Variants in TASP1 observed in about 807,000 individuals in gnomAD.
TASP1 encodes threonine aspartase 1.
A neutral mutation model predicts 56.6 loss-of-function variants in TASP1; 16 were observed. The ratio of observed to expected loss-of-function variants is 0.28; its 90% CI spans 0.19 to 0.43. TASP1 has a LOEUF of 0.43. Ranked by LOEUF, TASP1 falls within the 20% of genes least tolerant of loss-of-function variation. The probability of loss-of-function intolerance (pLI) is 1.00; values close to 1 mark genes in which losing one functional copy is unlikely to be tolerated. For synonymous variants in TASP1, 179 were observed against 184.2 expected, an observed-to-expected ratio of 0.97 and a Z score of 0.23; for missense variants, 393 against 511.6, an observed-to-expected ratio of 0.77 and a Z score of 2.24.
chr20:13,632,229 G>A (rs1183517929), intron 1 of TASP1, among the ~76,000 whole-genome samples: 4 of 151,306 alleles, frequency 2.6e-5, no homozygotes, highest in East Asian at 1.9e-4. Flanking sequence ...GCATGGTGGC[G>A]CGTTCCTGTA....
At chr20:13,420,631 A>G (rs966818905) in intron 12 of TASP1, among the ~76,000 whole-genome samples, 6 of 152,356 alleles carry the variant, frequency 3.9e-5, no homozygotes, top group African/African-American at 1.4e-4. Context: ...AATGCAAGTT[A>G]ATTTAACAAA....
chr20:13,332,764 A>C, the TASP1 span, among the ~76,000 whole-genome samples: 2 of 152,222 alleles, frequency 1.3e-5, no homozygotes, highest in Non-Finnish European at 2.9e-5. Context: ...AACATAGGCT[A>C]TGATAAGGTT....
At chr20:13,330,757 G>T in the TASP1 span, among the ~76,000 whole-genome samples, 1 of 152,164 alleles carries the variant, frequency 6.6e-6, no homozygotes, top group East Asian at 1.9e-4. Flanking sequence ...TGGCTTTTGA[G>T]AAATTGCTTT....
the TASP1 span, among the ~76,000 whole-genome samples, chr20:13,353,490 G>A: frequency 9.9e-5 from 15 of 152,056 alleles, no homozygotes; most frequent in African/African-American, 2.7e-4. Context: ...CACACATTAA[G>A]TAAATAAATG....
the TASP1 span, among the ~76,000 whole-genome samples, chr20:13,130,963 C>G: frequency 5.3e-5 from 8 of 152,154 alleles, no homozygotes; most frequent in Non-Finnish European, 8.8e-5. Flanking sequence ...TCTCATAGGA[C>G]TGGGAGCTGG....
At chr20:13,546,218 T>TA (rs1190287802) in intron 8 of TASP1, among the ~76,000 whole-genome samples, 2 of 151,902 alleles carry the variant, frequency 1.3e-5, no homozygotes, top group African/African-American at 4.8e-5. Flanking sequence ...AAAGAAAAAT[T>TA]AAAGACTGCA....
At chr20:13,433,487 A>G (rs1313303439) in intron 12 of TASP1, among the ~76,000 whole-genome samples, 2 of 148,746 alleles carry the variant, frequency 1.3e-5, no homozygotes, top group African/African-American at 5.0e-5. Context: ...GAACCTAGGT[A>G]CTATGTGCAG....
At chr20:13,555,367 G>C (rs900260597) in intron 8 of TASP1, among the ~76,000 whole-genome samples, 14 of 98,448 alleles carry the variant, frequency 1.4e-4, no homozygotes, top group African/African-American at 5.5e-4. Context: ...CTGAGCAACA[G>C]ATCAAGACTC....
At chr20:13,405,671 C>T (rs1470125754) in intron 13 of TASP1, among the ~76,000 whole-genome samples, 4 of 151,790 alleles carry the variant, frequency 2.6e-5, no homozygotes, top group South Asian at 2.1e-4. Flanking sequence ...CTCAGCCTCC[C>T]GAGCAGCTGG....
the TASP1 span, among the ~76,000 whole-genome samples, chr20:13,197,362 C>A: frequency 6.6e-6 from 1 of 152,192 alleles, no homozygotes; most frequent in Non-Finnish European, 1.5e-5. Flanking sequence ...CTCTAGCTGA[C>A]CTTCTGCTTA....
At chr20:13,346,606 A>G in the TASP1 span, among the ~76,000 whole-genome samples, 40 of 152,324 alleles carry the variant, frequency 2.6e-4, no homozygotes, top group African/African-American at 8.9e-4. Flanking sequence ...GCATCCAGCG[A>G]TGGAAGGGGA....
the TASP1 span, among the ~76,000 whole-genome samples, chr20:13,273,868 G>A: frequency 1.3e-5 from 2 of 152,182 alleles, no homozygotes; most frequent in African/African-American, 4.8e-5. Flanking sequence ...AATACAGAGG[G>A]GTGGAGGGTG....
chr20:13,292,424 G>A, the TASP1 span: 1 of 1,606,330 alleles, frequency 6.2e-7, no homozygotes, highest in Non-Finnish European at 8.5e-7. Context: ...TCTGCTTGCG[G>A]GAAGCGAGGA....
At chr20:13,315,591 G>A in the TASP1 span, among the ~76,000 whole-genome samples, 1 of 151,954 alleles carries the variant, frequency 6.6e-6, no homozygotes, top group African/African-American at 2.4e-5. Context: ...CATAGTTACA[G>A]ATTTCAATAC....
chr20:13,270,478 G>T, the TASP1 span: 678 of 1,594,952 alleles, frequency 4.3e-4, 4 homozygotes, highest in African/African-American at 8.4e-3. Flanking sequence ...CTCCTTAACA[G>T]GTGTTTGCTT....
chr20:13,470,266 G>A (rs2044438336), intron 11 of TASP1, among the ~76,000 whole-genome samples: 1 of 152,074 alleles, frequency 6.6e-6, no homozygotes, highest in African/African-American at 2.4e-5. Context: ...AAAAGGGGTA[G>A]AGGGGGGCAC....
intron 10 of TASP1, among the ~76,000 whole-genome samples, chr20:13,526,359 T>C (rs915699599): frequency 6.6e-6 from 1 of 152,166 alleles, no homozygotes; most frequent in Non-Finnish European, 1.5e-5. Flanking sequence ...CAACTGTGAT[T>C]TCTTTGAGAC....
chr20:13,569,819 T>C (rs1360185507), intron 6 of TASP1, among the ~76,000 whole-genome samples: 2 of 152,106 alleles, frequency 1.3e-5, no homozygotes, highest in East Asian at 3.8e-4. Context: ...AACTAACTAG[T>C]AAAAATTGGC....
rs563342640 is a variant in TASP1, at chr20:13,411,365, T to C, written c.1170+6083A>G. Among the ~76,000 whole-genome samples the C allele has an allele frequency of 2.0e-4, 31 of 152,272 alleles. 2 individuals are homozygous for C. Among genetic ancestry groups the C allele is most frequent in the African/African-American group, 7.2e-4 (30 of 41,556 alleles). On this transcript the variant is annotated intron_variant, in intron 13 of 13. Coordinates refer to ENST00000337743, the MANE Select transcript of TASP1 (RefSeq NM_017714.3). ...CTATTACTGTGGAAAATATCATTGG[T>C]ATTTGGTCAATAGGATTGTTTTAAA...
Sources: allele counts gnomAD v4.1 joint callset (sites outside exome capture counted in the v4.1 genomes callset), GRCh38; gene constraint gnomAD v4.1.1; transcripts MANE v1.5; gene names NCBI Gene and HGNC (gene_info 2026-07-23, HGNC 2026-07-21).